The following GCLM variants were observed in gnomAD, a reference collection of about 807,000 sequenced individuals.
The protein encoded by GCLM is glutamate--cysteine ligase regulatory subunit.
GCLM carries 15 observed loss-of-function variants against 36.0 expected under a neutral mutation model. The ratio of observed to expected loss-of-function variants is 0.42; its 90% CI spans 0.28 to 0.64. The LOEUF is 0.64. Among genes scored for constraint, GCLM ranks in the 30% least tolerant of loss-of-function variants. The probability of loss-of-function intolerance (pLI) is 0.25; values close to 1 mark genes in which losing one functional copy is unlikely to be tolerated. For missense variants in GCLM, 242 were observed against 325.5 expected (o/e 0.74, Z 1.97); for synonymous variants, 129 against 122.8 (o/e 1.05, Z -0.34).
At chr1:93,898,021 C>T (rs1656796543) in intron 3 of GCLM, 123 bp from the exon 4 acceptor site, 1 of 462,440 alleles carries the variant, frequency 2.2e-6, no homozygotes, top group Non-Finnish European at 3.8e-6. Flanking sequence ...TTTTCCTTTC[C>T]CAGTCACATA....
In GCLM at chr1:93,886,867, C is replaced by T. The variant is rs546378666; in HGVS notation, c.*2123G>A. 6.6e-6 allele frequency: 1 copy of T among 151,946 alleles called. No homozygotes were observed. Among genetic ancestry groups the T allele is most frequent in the African/African-American group, 2.4e-5 (1 of 41,430 alleles). The allele number at this position is 151,946 out of a possible 1,614,324, so 9.4% of individuals were successfully genotyped here. ...ATATGAAAAAAATGTTGGGCATTTCCAAATGTAAAGATGAACTATATATAT... is the reference window on the plus strand; with the variant it reads ...ATATGAAAAAAATGTTGGGCATTTCTAAATGTAAAGATGAACTATATATAT... On this transcript the variant is annotated 3_prime_UTR_variant, in exon 7 of 7. Coordinates refer to ENST00000370238, the MANE Select transcript of GCLM (RefSeq NM_002061.4).
intron 6 of GCLM, among the ~76,000 whole-genome samples, chr1:93,894,321 T>G (rs17878940): frequency 6.6e-6 from 1 of 151,960 alleles, no homozygotes; most frequent in Non-Finnish European, 1.5e-5. Flanking sequence ...GGATTATATA[T>G]ATTACTATTT....
At chr1:93,893,619 C>T (rs1018140648) in intron 6 of GCLM, among the ~76,000 whole-genome samples, 6 of 152,072 alleles carry the variant, frequency 3.9e-5, no homozygotes, top group Admixed American at 2.6e-4. Context: ...AAAATGTCAT[C>T]GAGAATTAAA....
Position 93,888,868 on chromosome 1 carries a change from C to A in GCLM, c.*122G>T, listed in dbSNP as rs1461628004. The A allele has an allele frequency of 4.7e-6, 3 of 631,888 alleles. No individual in the cohort carries two copies. Among genetic ancestry groups the A allele is most frequent in the Non-Finnish European group, 8.0e-6 (3 of 376,738 alleles). 39.1% of individuals were successfully genotyped at this position (631,888 alleles called of 1,614,324 possible). ...TAAAACTTGACAGACAACATACTGT[C>A]AAATATGACGAAAGAATATCTGCCT... On this transcript the variant is annotated 3_prime_UTR_variant, in exon 7 of 7. Coordinates refer to ENST00000370238, the MANE Select transcript of GCLM (RefSeq NM_002061.4).
Position 93,889,167 on chromosome 1 carries a change from AAAC to A in GCLM, c.656-11_656-9del, listed in dbSNP as rs1463180924. On this transcript the variant is annotated splice_polypyrimidine_tract_variant and intron_variant, in intron 6 of 6. Transcript: ENST00000370238. ...TTGCTTCAGAAAGCAGTTCTAAAAG[AAAC>A]AACAACAAACAAAACTCCAGCGTGT... 1.9e-6 allele frequency: 3 copies of A among 1,542,260 alleles called. No individual in the cohort carries two copies. The highest frequency in any genetic ancestry group is 2.4e-5 in the East Asian group (1 of 42,536).
At position 93,897,910 on chromosome 1, in the gene GCLM, A is replaced by G. The variant is rs774359289; in HGVS notation, c.278-12T>C. On this transcript the variant is annotated splice_polypyrimidine_tract_variant and intron_variant, in intron 3 of 6. Transcript: ENST00000370238. ...AATGAACAGTTTTGCTGGGTAACAA[A>G]GAAAACAAAACTGATTACTACATTT... 1 of 1,502,576 alleles carries G rather than the reference A, an allele frequency of 6.7e-7. No homozygotes were observed. Among genetic ancestry groups the G allele is most frequent in the Non-Finnish European group, 8.9e-7 (1 of 1,118,352 alleles). 93.1% of individuals were successfully genotyped at this position (1,502,576 alleles called of 1,614,324 possible). A position where few individuals can be genotyped will look rare whatever the true frequency, so the allele number is the denominator to read the frequency against.
intron 3 of GCLM, among the ~76,000 whole-genome samples, chr1:93,899,112 A>AGTC (rs1656854080): frequency 6.6e-6 from 1 of 151,218 alleles, no homozygotes; most frequent in African/African-American, 2.4e-5. Flanking sequence ...TTTTTGAGAC[A>AGTC]GAGTCTCACT....
At position 93,909,200 on chromosome 1, in the gene GCLM, T is replaced by TGCGGGCGGGCGGGCAG. The variant is rs1657269835; in HGVS notation, c.-53_-38dup. On this transcript the variant is annotated 5_prime_UTR_variant, in exon 1 of 7. Coordinates refer to ENST00000370238, the MANE Select transcript of GCLM (RefSeq NM_002061.4). Reference sequence around the variant, plus strand: ...CCCAGGGGCCGCGCAGCGAAGGGGCTGCGGGCGGGCGGGCAGGCAGGCGGC... The same window carrying TGCGGGCGGGCGGGCAG: ...CCCAGGGGCCGCGCAGCGAAGGGGCTGCGGGCGGGCGGGCAGGCGGGCGGGCGGGCAGGCAGGCGGC... 8.5e-7 allele frequency: 1 copy of TGCGGGCGGGCGGGCAG among 1,175,038 alleles called. No homozygotes were observed. The highest frequency in any genetic ancestry group is 1.0e-6 in the Non-Finnish European group (1 of 954,058). 72.8% of individuals were successfully genotyped at this position (1,175,038 alleles called of 1,614,324 possible). A position where few individuals can be genotyped will look rare whatever the true frequency, so the allele number is the denominator to read the frequency against.
intron 3 of GCLM, among the ~76,000 whole-genome samples, chr1:93,900,855 G>A (rs1032861793): frequency 6.6e-6 from 1 of 152,122 alleles, no homozygotes; most frequent in Non-Finnish European, 1.5e-5. Context: ...TGTGCTAAGT[G>A]CTTCTTTTGT....
chr1:93,888,934 T>A lies in GCLM; in HGVS notation c.*56A>T. Reference sequence around the variant, plus strand: ...CAGGCAGTAACTAGATTTTTACACATCTCAATTTTCTCTCATATTGAAGGA... The same window carrying A: ...CAGGCAGTAACTAGATTTTTACACAACTCAATTTTCTCTCATATTGAAGGA... On this transcript the variant is annotated 3_prime_UTR_variant, in exon 7 of 7. Transcript: ENST00000370238. The A allele has an allele frequency of 2.5e-6, 3 of 1,215,654 alleles. No homozygotes were observed. The South Asian group carries it at 4.7e-5, about 19-fold the overall frequency. 75.3% of individuals were successfully genotyped at this position (1,215,654 alleles called of 1,614,324 possible).
intron 1 of GCLM, among the ~76,000 whole-genome samples, chr1:93,908,463 A>C (rs1246086070): frequency 6.6e-6 from 1 of 152,228 alleles, no homozygotes; most frequent in Non-Finnish European, 1.5e-5. Flanking sequence ...GATAAAGCAT[A>C]CATAGACGCA....
intron 3 of GCLM, among the ~76,000 whole-genome samples, chr1:93,900,526 C>T (rs2100920202): frequency 6.6e-6 from 1 of 152,272 alleles, no homozygotes; most frequent in South Asian, 2.1e-4. Flanking sequence ...CCTGGTTCAA[C>T]CACTTACTGG....
chr1:93,901,452 T>C, intron 3 of GCLM, 133 bp downstream of exon 3: 1 of 667,268 alleles, frequency 1.5e-6, no homozygotes, highest in African/African-American at 1.8e-5. Flanking sequence ...GGAGTTTAAG[T>C]AAAATTATGC....
chr1:93,902,530 A>G (rs553587760), intron 2 of GCLM, among the ~76,000 whole-genome samples: 28 of 151,820 alleles, frequency 1.8e-4, no homozygotes, highest in African/African-American at 6.8e-4. Context: ...TAGGTTCACA[A>G]GAATATCAAG....
chr1:93,899,619 G>A (rs1027026105), intron 3 of GCLM, among the ~76,000 whole-genome samples: 1 of 152,140 alleles, frequency 6.6e-6, no homozygotes, highest in South Asian at 2.1e-4. Flanking sequence ...AGCATGTGAC[G>A]TTTTGTGTGA....
At chr1:93,907,920 G>C (rs890528389) in intron 1 of GCLM, among the ~76,000 whole-genome samples, 2 of 152,166 alleles carry the variant, frequency 1.3e-5, no homozygotes, top group African/African-American at 4.8e-5. Flanking sequence ...TCATAGAAGA[G>C]AGCAGAAACC....
chr1:93,904,462 C>T, intron 2 of GCLM, 61 bp downstream of exon 2: 2 of 1,052,334 alleles, frequency 1.9e-6, no homozygotes. Flanking sequence ...AAGAAATTAA[C>T]TTCCTGTTTA....
rs1234695546 is a variant in GCLM at position 93,896,733 on chromosome 1, T to C, written c.425A>G (p.His142Arg). ...TAATTCCTCCCAGTAAGGCTGTAAA[T>C]GCTCCAAGGAAAGATTAACTCCATC... ...IEDGVNLSLE[H>R]LQPYWEELEN... is the part of the protein sequence containing the mutation. The change falls in exon 5 of 7, where the codon CAT becomes CGT. Residue 142 changes from histidine to arginine, a missense_variant. Physicochemically the swap from His to Arg is conservative, Grantham distance 29 (BLOSUM62 0). Coordinates refer to ENST00000370238, the MANE Select transcript of GCLM (RefSeq NM_002061.4). 1.2e-6 allele frequency: 2 copies of C among 1,611,328 alleles called. No homozygotes were observed.
In GCLM at chr1:93,901,510, A is replaced by G. The variant is rs1238298372; in HGVS notation, c.277+75T>C. 7.5e-6 allele frequency: 6 copies of G among 802,232 alleles called. No individual in the cohort carries two copies. The African/African-American group carries it at 1.0e-4, about 14-fold the overall frequency. The allele number at this position is 802,232 out of a possible 1,614,324, so 49.7% of individuals were successfully genotyped here. A position where few individuals can be genotyped will look rare whatever the true frequency, so the allele number is the denominator to read the frequency against. ...CCACATTTAGTGTCTGAGCAAAGAAAGGCTTATTCTAATGCCTAACAAAAT... is the reference window on the plus strand; with the variant it reads ...CCACATTTAGTGTCTGAGCAAAGAAGGGCTTATTCTAATGCCTAACAAAAT... On this transcript the variant is annotated intron_variant, in intron 3 of 6. Coordinates refer to ENST00000370238, the MANE Select transcript of GCLM (RefSeq NM_002061.4).
Sources: allele counts gnomAD v4.1 joint callset (sites outside exome capture counted in the v4.1 genomes callset), GRCh38; gene constraint gnomAD v4.1.1; transcripts MANE v1.5; gene names NCBI Gene and HGNC (gene_info 2026-07-23, HGNC 2026-07-21).